Variants in CEP126 observed in about 807,000 individuals in gnomAD.
The protein encoded by CEP126 is centrosomal protein of 126 kDa.
Under a neutral mutation model 107.8 loss-of-function variants are expected in CEP126, and 74 were observed. That is an observed-to-expected ratio of 0.69 (90% CI 0.57 to 0.83). CEP126 has a LOEUF of 0.83. Ranked by LOEUF, CEP126 falls within the 40% of genes least tolerant of loss-of-function variation. The pLI is 0.00. For missense variants in CEP126, 1,237 were observed against 1,281.9 expected, an observed-to-expected ratio of 0.96 and a Z score of 0.53; for synonymous variants, 449 against 446.0, an observed-to-expected ratio of 1.01 and a Z score of -0.08.
chr11:102,000,028 A>G lies in CEP126; in HGVS notation c.*2385A>G, dbSNP rs1591300266. On this transcript the variant is annotated 3_prime_UTR_variant, in exon 11 of 11. Transcript: ENST00000263468. ...AAACCCTGTCTCTACTAAAAATACA[A>G]AAATAGCTGGGCATGGTGGCACGCA... 6.6e-6 allele frequency: 1 copy of G among 152,294 alleles called. No individual in the cohort carries two copies. Among genetic ancestry groups the G allele is most frequent in the East Asian group, 1.9e-4 (1 of 5,168 alleles). The allele number at this position is 152,294 out of a possible 1,614,324, so 9.4% of individuals were successfully genotyped here. A position where few individuals can be genotyped will look rare whatever the true frequency, so the allele number is the denominator to read the frequency against.
intron 6 of CEP126, among the ~76,000 whole-genome samples, chr11:101,964,251 C>T (rs952579596): frequency 4.0e-5 from 6 of 150,212 alleles, no homozygotes; most frequent in African/African-American, 9.8e-5. Flanking sequence ...TGCAGTGAGC[C>T]GAGATCATGT....
At chr11:101,922,540 T>C in intron 1 of CEP126, 101 bp from the exon 2 acceptor site, 1 of 889,110 alleles carries the variant, frequency 1.1e-6, no homozygotes, top group Non-Finnish European at 1.8e-6. Context: ...AAAACTATCA[T>C]TACATCATTT....
chr11:101,961,700 A>G (rs1471729215), intron 5 of CEP126, 41 bp from the exon 6 acceptor site: 1 of 1,170,650 alleles, frequency 8.5e-7, no homozygotes, highest in East Asian at 2.4e-5. Flanking sequence ...TTGGCATTTA[A>G]AAGTTTATAA....
intron 4 of CEP126, chr11:101,956,219 G>A (rs768529844): frequency 2.4e-5 from 11 of 456,042 alleles, no homozygotes; most frequent in Middle Eastern, 3.2e-4. Flanking sequence ...GCATTCTACT[G>A]CAGCCACTCT....
chr11:101,917,028 ATGTGTGTGTGTGTGTGTGTG>A (rs57573389), intron 1 of CEP126, among the ~76,000 whole-genome samples: 27 of 136,050 alleles, frequency 2.0e-4, no homozygotes, highest in South Asian at 7.6e-4. Flanking sequence ...AAATCCAACA[ATGTGTGTGTGTGTGTGTGTG>A]TGTGTGTGTG....
chr11:101,933,526 A>G (rs1214024496), intron 2 of CEP126, among the ~76,000 whole-genome samples: 1 of 152,198 alleles, frequency 6.6e-6, no homozygotes, highest in Non-Finnish European at 1.5e-5. Context: ...TGCTTACCTC[A>G]GATAACTGCT....
intron 6 of CEP126, among the ~76,000 whole-genome samples, chr11:101,971,915 C>T (rs1031537151): frequency 1.3e-5 from 2 of 151,894 alleles, no homozygotes; most frequent in African/African-American, 2.4e-5. Context: ...TTGAGACCAG[C>T]CTGGCCAACA....
At chr11:101,937,512 C>A (rs1940600042) in intron 2 of CEP126, among the ~76,000 whole-genome samples, 1 of 152,140 alleles carries the variant, frequency 6.6e-6, no homozygotes, top group African/African-American at 2.4e-5. Flanking sequence ...TTTGGATTTG[C>A]TGATTAGAGA....
At chr11:101,980,802 C>T (rs1251775368) in intron 7 of CEP126, among the ~76,000 whole-genome samples, 2 of 152,166 alleles carry the variant, frequency 1.3e-5, no homozygotes, top group African/African-American at 4.8e-5. Flanking sequence ...AGAAAAAGTA[C>T]AATTGCCACT....
At position 101,962,797 on chromosome 11, in the gene CEP126, G is replaced by T. The variant is rs1236193836; in HGVS notation, c.1762G>T (p.Gly588Cys). Residue 588 changes from glycine (G) to cysteine (C), a missense_variant, in exon 6 of 11, where the codon GGT becomes TGT. Coordinates refer to ENST00000263468, the MANE Select transcript of CEP126 (RefSeq NM_020802.4). ...ILKKESKYEHGYLKALIINQS... is the reference protein window; with the variant it reads ...ILKKESKYEHCYLKALIINQS... ...AAAGAAAGAATCTAAATATGAACAT[G>T]GTTATCTTAAGGCATTAATTATAAA... 6.2e-7 allele frequency: 1 copy of T among 1,602,452 alleles called. No individual in the cohort carries two copies. The highest frequency in any genetic ancestry group is 1.1e-5 in the South Asian group (1 of 87,806).
intron 10 of CEP126, among the ~76,000 whole-genome samples, chr11:101,994,989 A>G (rs930738593): frequency 6.6e-6 from 1 of 151,636 alleles, no homozygotes; most frequent in Non-Finnish European, 1.5e-5. Context: ...CCCATCATCT[A>G]CATTAGGTAT....
At chr11:101,929,500 G>A (rs1228333523) in intron 2 of CEP126, among the ~76,000 whole-genome samples, 3 of 152,154 alleles carry the variant, frequency 2.0e-5, no homozygotes, top group African/African-American at 7.2e-5. Context: ...AGCAGGAGGA[G>A]GAGTTCCAGC....
intron 3 of CEP126, 115 bp downstream of exon 3, chr11:101,944,525 A>C: frequency 1.0e-6 from 1 of 984,618 alleles, no homozygotes; most frequent in Non-Finnish European, 1.5e-6. Context: ...AAAGACCAAT[A>C]TGACTTTTGA....
Position 101,975,192 on chromosome 11 carries a change from G to A in CEP126, c.2846-3155G>A, listed in dbSNP as rs149067152. On this transcript the variant is annotated intron_variant, in intron 6 of 10. Coordinates refer to ENST00000263468, the MANE Select transcript of CEP126 (RefSeq NM_020802.4). The stretch of plus-strand genomic sequence containing the variant: ...AGCATATTGATACAGGTGGAAATAA[G>A]CATAATACAGTGCTTTTTAAACTGT... 1.4e-3 allele frequency among the ~76,000 whole-genome samples: 207 copies of A among 152,212 alleles called. 1 individual carries two copies. The highest frequency in any genetic ancestry group is 4.0e-3 in the Admixed American group (61 of 15,286).
intron 6 of CEP126, 27 bp from the exon 7 acceptor site, chr11:101,978,320 T>G: frequency 6.7e-7 from 1 of 1,499,098 alleles, no homozygotes; most frequent in East Asian, 2.3e-5. Context: ...AGCATAATTT[T>G]TAACATTGTG....
At chr11:101,995,220 G>A (rs1941429395) in intron 10 of CEP126, among the ~76,000 whole-genome samples, 1 of 152,150 alleles carries the variant, frequency 6.6e-6, no homozygotes, top group Admixed American at 6.5e-5. Flanking sequence ...AAACTTTAGT[G>A]TACTTTGTAC....
At chr11:101,930,041 C>A (rs528312957) in intron 2 of CEP126, among the ~76,000 whole-genome samples, 60 of 137,578 alleles carry the variant, frequency 4.4e-4, no homozygotes, top group African/African-American at 1.6e-3. Flanking sequence ...TGCTCCAAGT[C>A]TGGGATATAC....
At chr11:101,952,671 A>T (rs1940828595) in intron 4 of CEP126, among the ~76,000 whole-genome samples, 1 of 152,196 alleles carries the variant, frequency 6.6e-6, no homozygotes, top group Non-Finnish European at 1.5e-5. Context: ...AGGGAAGAAT[A>T]GATAGGTTTA....
rs1565371653 is a variant in CEP126, at chr11:101,992,846, A to C, written c.3309+4A>C. On this transcript the variant is annotated splice_donor_region_variant and intron_variant, in intron 10 of 10. Transcript: ENST00000263468. ...TTTACAAATAATACCACTTCTGGTA[A>C]GTATTTGAAGAAGCTCTTTTTTTCT... The C allele has an allele frequency of 6.6e-7, 1 of 1,522,404 alleles. No homozygotes were observed. Among genetic ancestry groups the C allele is most frequent in the African/African-American group, 1.4e-5 (1 of 70,062 alleles). The allele number at this position is 1,522,404 out of a possible 1,614,324, so 94.3% of individuals were successfully genotyped here.
Sources: allele counts gnomAD v4.1 joint callset (sites outside exome capture counted in the v4.1 genomes callset), GRCh38; gene constraint gnomAD v4.1.1; transcripts MANE v1.5; gene names NCBI Gene and HGNC (gene_info 2026-07-23, HGNC 2026-07-21).